The following KDM4C variants were observed in gnomAD, a reference collection of about 807,000 sequenced individuals.
KDM4C encodes lysine demethylase 4C.
Under a neutral mutation model 129.3 loss-of-function variants are expected in KDM4C, and 81 were observed. The observed-to-expected ratio is 0.63, with a 90% CI of 0.52 to 0.75. The LOEUF is 0.75. Among genes scored for constraint, KDM4C ranks in the 30% least tolerant of loss-of-function variants. The probability of loss-of-function intolerance (pLI) is 0.00; values close to 1 mark genes in which losing one functional copy is unlikely to be tolerated. For missense variants in KDM4C, 1,457 were observed against 1,304.0 expected (o/e 1.12, Z -1.81); for synonymous variants, 573 against 456.1 (o/e 1.26, Z -3.26).
chr9:7,009,635 G>C (rs148507450), intron 12 of KDM4C, among the ~76,000 whole-genome samples: 49 of 152,144 alleles, frequency 3.2e-4, no homozygotes, highest in African/African-American at 1.1e-3. Flanking sequence ...TACTACTTTC[G>C]TATCACCGTT....
At chr9:6,821,363 C>G (rs1318464532) in intron 4 of KDM4C, among the ~76,000 whole-genome samples, 1 of 152,124 alleles carries the variant, frequency 6.6e-6, no homozygotes, top group Non-Finnish European at 1.5e-5. Flanking sequence ...CCTATTTTTC[C>G]ACATCCTCTC....
intron 8 of KDM4C, among the ~76,000 whole-genome samples, chr9:6,950,794 A>G (rs1040241985): frequency 2.6e-5 from 4 of 152,202 alleles, no homozygotes; most frequent in African/African-American, 4.8e-5. Flanking sequence ...GGAGGTGCAT[A>G]TGCCTTTTCA....
intron 5 of KDM4C, 98 bp from the exon 6 acceptor site, chr9:6,879,914 G>A: frequency 1.8e-6 from 1 of 565,322 alleles, no homozygotes; most frequent in East Asian, 2.9e-5. Context: ...GTTTGGTGTT[G>A]AATTTCTTTT....
chr9:6,811,175 A>G (rs1017539166), intron 3 of KDM4C, among the ~76,000 whole-genome samples: 2 of 151,860 alleles, frequency 1.3e-5, no homozygotes, highest in Non-Finnish European at 2.9e-5. Context: ...TTTTTCTGAG[A>G]CAGAGTCTCG....
At chr9:6,909,343 C>A (rs1818865323) in intron 8 of KDM4C, among the ~76,000 whole-genome samples, 1 of 152,214 alleles carries the variant, frequency 6.6e-6, no homozygotes, top group South Asian at 2.1e-4. Flanking sequence ...GCCCCTCTTA[C>A]TGGACCCAAA....
intron 4 of KDM4C, chr9:6,835,068 G>C (rs1261121785): frequency 4.1e-6 from 4 of 966,028 alleles, no homozygotes; most frequent in African/African-American, 3.2e-5. Flanking sequence ...CGGCTGAGTG[G>C]GATATCGTGC....
Position 6,888,029 on chromosome 9 carries a change from C to A in KDM4C, c.749C>A (p.Ser250Ter), listed in dbSNP as rs369485174. Reference sequence around the variant, plus strand: ...CACAAGATGACATTGATTTCTCCATCAGTATTGAAGAAATATGGTATTCCC... The same window carrying A: ...CACAAGATGACATTGATTTCTCCATAAGTATTGAAGAAATATGGTATTCCC... ...LRHKMTLISP[S>*]VLKKYGIPFD... The change falls in exon 7 of 22, where the codon TCA becomes TAA. Residue 250 changes from serine (S) to a stop codon, truncating the protein, a stop_gained. Transcript: ENST00000381309. LOFTEE classifies it high-confidence loss of function. 6.2e-7 allele frequency: 1 copy of A among 1,602,786 alleles called. No individual in the cohort carries two copies. The highest frequency in any genetic ancestry group is 1.7e-4 in the Middle Eastern group (1 of 6,030).
chr9:6,797,662 A>G (rs539482725), intron 2 of KDM4C, among the ~76,000 whole-genome samples: 5 of 152,218 alleles, frequency 3.3e-5, no homozygotes, highest in Admixed American at 6.5e-5. Flanking sequence ...TATGCACATC[A>G]TGTAGTTTTA....
chr9:7,078,246 C>G (rs1834142364), intron 17 of KDM4C, among the ~76,000 whole-genome samples: 2 of 152,004 alleles, frequency 1.3e-5, no homozygotes, highest in Non-Finnish European at 2.9e-5. Flanking sequence ...TTTTTTATAG[C>G]TTGTAAAATC....
chr9:6,867,945 C>G (rs1041522774), intron 5 of KDM4C, among the ~76,000 whole-genome samples: 6 of 152,064 alleles, frequency 3.9e-5, no homozygotes, highest in African/African-American at 1.4e-4. Context: ...ATGTATCAAC[C>G]AGAAAGAATG....
chr9:6,894,421 G>C (rs1846535240), intron 8 of KDM4C, among the ~76,000 whole-genome samples: 2 of 152,158 alleles, frequency 1.3e-5, no homozygotes, highest in Admixed American at 1.3e-4. Flanking sequence ...GTGTACTTTG[G>C]CCAACCACTG....
intron 17 of KDM4C, among the ~76,000 whole-genome samples, chr9:7,095,683 A>G (rs1011048331): frequency 2.0e-5 from 3 of 152,174 alleles, no homozygotes; most frequent in African/African-American, 7.2e-5. Context: ...AAAACTGGGT[A>G]AGTTGAATAG....
chr9:6,837,363 C>T (rs1668152114), intron 4 of KDM4C, among the ~76,000 whole-genome samples: 1 of 152,168 alleles, frequency 6.6e-6, no homozygotes, highest in Non-Finnish European at 1.5e-5. Flanking sequence ...AGCTTATAAT[C>T]ATTATTAAGA....
Position 7,128,187 on chromosome 9 carries a change from T to C in KDM4C, c.2732T>C (p.Met911Thr). Residue 911 changes from methionine (M) to threonine (T), a missense_variant, in exon 19 of 22, where the codon ATG becomes ACG. Transcript: ENST00000381309. ...AVTSQTFYEV[M>T]FDDGSFSRDT... The stretch of plus-strand genomic sequence containing the variant: ...ACATCGCAGACCTTCTATGAGGTCA[T>C]GTTTGATGATGGCTCCTTTAGCAGA... 1 of 1,610,500 alleles carries C rather than the reference T, an allele frequency of 6.2e-7. No homozygotes were observed. The highest frequency in any genetic ancestry group is 8.5e-7 in the Non-Finnish European group (1 of 1,178,532).
intron 1 of KDM4C, among the ~76,000 whole-genome samples, chr9:6,761,009 T>C (rs529755290): frequency 6.6e-5 from 10 of 150,868 alleles, no homozygotes; most frequent in African/African-American, 2.4e-4. Context: ...TGTCTTTTTT[T>C]TTTTTTTTTT....
rs574510458 is a variant in KDM4C, at chr9:7,091,715, A to C, written c.2425-11970A>C. The stretch of plus-strand genomic sequence containing the variant: ...AACATAGACTGAGAATATTGAGTTA[A>C]GCCTTGGCCATCACACTTGCCATGA... On this transcript the variant is annotated intron_variant, in intron 17 of 21. Coordinates refer to ENST00000381309, the MANE Select transcript of KDM4C (RefSeq NM_015061.6). Among the ~76,000 whole-genome samples the C allele has an allele frequency of 4.8e-4, 73 of 152,380 alleles. 1 individual carries two copies. The highest frequency in any genetic ancestry group is 3.4e-3 in the Middle Eastern group (1 of 294).
intron 8 of KDM4C, chr9:6,924,933 T>A: frequency 1.0e-6 from 1 of 984,780 alleles, no homozygotes; most frequent in Non-Finnish European, 1.2e-6. Context: ...CTAATAATAA[T>A]GTGTTCTGAC....
chr9:6,856,545 T>C (rs1032092899), intron 5 of KDM4C, among the ~76,000 whole-genome samples: 18 of 131,994 alleles, frequency 1.4e-4, no homozygotes, highest in African/African-American at 2.1e-4. Flanking sequence ...TGTGCGTGTG[T>C]GTGTGTGTGT....
intron 6 of KDM4C, among the ~76,000 whole-genome samples, chr9:6,881,632 G>A (rs1175910071): frequency 6.6e-6 from 1 of 152,188 alleles, no homozygotes; most frequent in Non-Finnish European, 1.5e-5. Flanking sequence ...ATGCTTTGAC[G>A]TAAACTGTCT....
Sources: allele counts gnomAD v4.1 joint callset (sites outside exome capture counted in the v4.1 genomes callset), GRCh38; gene constraint gnomAD v4.1.1; transcripts MANE v1.5; gene names NCBI Gene and HGNC (gene_info 2026-07-23, HGNC 2026-07-21).